The following CRY1 variants were observed in gnomAD, a reference collection of about 807,000 sequenced individuals.
The protein encoded by CRY1 is cryptochrome-1.
A neutral mutation model predicts 76.0 loss-of-function variants in CRY1; 45 were observed. The observed-to-expected ratio is 0.59, with a 90% CI of 0.47 to 0.76. CRY1 has a LOEUF of 0.76. Among genes scored for constraint, CRY1 ranks in the 30% least tolerant of loss-of-function variants. CRY1 has a pLI of 0.00. For missense variants in CRY1, 587 were observed against 716.4 expected (o/e 0.82, Z 2.06); for synonymous variants, 248 against 244.0 (o/e 1.02, Z -0.15).
At chr12:107,077,772 CCT>C (rs1414861119) in intron 1 of CRY1, among the ~76,000 whole-genome samples, 3 of 151,814 alleles carry the variant, frequency 2.0e-5, no homozygotes, top group African/African-American at 7.3e-5. Flanking sequence ...TAATTTCTTA[CCT>C]CTCTCATAAA....
At chr12:106,998,691 C>CACA (rs968068608) in intron 7 of CRY1, among the ~76,000 whole-genome samples, 3 of 151,042 alleles carry the variant, frequency 2.0e-5, no homozygotes, top group Admixed American at 6.6e-5. Flanking sequence ...CACACACACA[C>CACA]AAGCTCAGAA....
intron 1 of CRY1, among the ~76,000 whole-genome samples, chr12:107,031,795 A>G (rs1952678184): frequency 6.6e-6 from 1 of 152,218 alleles, no homozygotes; most frequent in African/African-American, 2.4e-5. Flanking sequence ...AGAAAGCCTA[A>G]GAAACTGTTA....
intron 1 of CRY1, among the ~76,000 whole-genome samples, chr12:107,068,357 C>A (rs1042815220): frequency 1.1e-4 from 17 of 152,052 alleles, no homozygotes; most frequent in African/African-American, 3.6e-4. Flanking sequence ...GAGTGCAGTG[C>A]CATGATCTTG....
At chr12:107,012,364 A>G (rs903198581) in intron 2 of CRY1, among the ~76,000 whole-genome samples, 5 of 152,236 alleles carry the variant, frequency 3.3e-5, no homozygotes, top group Non-Finnish European at 5.9e-5. Flanking sequence ...CTGCCTGTGC[A>G]GAACAGGAAC....
chr12:107,053,767 T>A (rs1039940812), intron 1 of CRY1, among the ~76,000 whole-genome samples: 2 of 152,076 alleles, frequency 1.3e-5, no homozygotes, highest in African/African-American at 4.8e-5. Context: ...ACAAAGAAAC[T>A]CAGACGGAGA....
At chr12:107,056,652 C>T (rs1467678507) in intron 1 of CRY1, among the ~76,000 whole-genome samples, 2 of 151,956 alleles carry the variant, frequency 1.3e-5, no homozygotes, top group African/African-American at 2.4e-5. Context: ...ACAATTCTTC[C>T]AATGTGGCCC....
At chr12:107,039,931 T>C (rs186879351) in intron 1 of CRY1, among the ~76,000 whole-genome samples, 7 of 152,144 alleles carry the variant, frequency 4.6e-5, no homozygotes, top group Admixed American at 4.6e-4. Flanking sequence ...ATTAAGAAAA[T>C]ATTATACATA....
chr12:107,030,230 T>C (rs190689566), intron 1 of CRY1, among the ~76,000 whole-genome samples: 2 of 152,350 alleles, frequency 1.3e-5, no homozygotes, highest in African/African-American at 2.4e-5. Context: ...ATTCTCTGAA[T>C]GTCTATTGTG....
intron 1 of CRY1, among the ~76,000 whole-genome samples, chr12:107,040,460 A>G (rs1207214171): frequency 6.6e-6 from 1 of 151,468 alleles, no homozygotes; most frequent in African/African-American, 2.4e-5. Flanking sequence ...TAATTTTTGT[A>G]TATTTAGTAG....
intron 1 of CRY1, among the ~76,000 whole-genome samples, chr12:107,058,777 G>A (rs911560355): frequency 6.6e-6 from 1 of 152,184 alleles, no homozygotes; most frequent in Non-Finnish European, 1.5e-5. Flanking sequence ...AGCCAATAAA[G>A]TATTGTTGAA....
rs145875187 is a variant in CRY1 at position 106,999,556 on chromosome 12, T to C, written c.1132A>G (p.Met378Val). 2.7e-5 allele frequency: 44 copies of C among 1,610,318 alleles called. No homozygotes were observed. The highest frequency in any genetic ancestry group is 3.6e-5 in the Non-Finnish European group (43 of 1,178,362). ...GDLWISWEEGMKVFEELLLDA... is the reference protein window; with the variant it reads ...GDLWISWEEGVKVFEELLLDA... ...ATATCAGTTAGAACACTTACCTTCATTCCTTCTTCCCAACTAATCCACAGG... is the reference window on the plus strand; with the variant it reads ...ATATCAGTTAGAACACTTACCTTCACTCCTTCTTCCCAACTAATCCACAGG... The change falls in exon 7 of 13, where the codon ATG becomes GTG. Residue 378 changes from methionine (M) to valine (V), a missense_variant. Coordinates refer to ENST00000008527, the MANE Select transcript of CRY1 (RefSeq NM_004075.5).
intron 1 of CRY1, among the ~76,000 whole-genome samples, chr12:107,089,586 G>C (rs2136904926): frequency 6.6e-6 from 1 of 152,156 alleles, no homozygotes; most frequent in Admixed American, 6.5e-5. Context: ...TGCTTATTAG[G>C]TAGAATACTA....
At chr12:107,014,757 A>C (rs1478889556) in intron 2 of CRY1, among the ~76,000 whole-genome samples, 1 of 152,214 alleles carries the variant, frequency 6.6e-6, no homozygotes, top group Non-Finnish European at 1.5e-5. Context: ...TGGTATCTGC[A>C]GGAAATTGGT....
chr12:107,036,267 T>C (rs1952732768), intron 1 of CRY1, among the ~76,000 whole-genome samples: 1 of 152,234 alleles, frequency 6.6e-6, no homozygotes, highest in Non-Finnish European at 1.5e-5. Flanking sequence ...TGGATATTGG[T>C]GAACACTACC....
At position 107,077,781 on chromosome 12, in the gene CRY1, T is replaced by TA. The variant is rs1335164189; in HGVS notation, c.158+15022dup. ...TTGAGCTAATTTCTTACCTCTCTCA[T>TA]AAAAAATCCCCCTCACATTCCAACC... is the stretch of plus-strand genomic sequence containing the variant. On this transcript the variant is annotated intron_variant, in intron 1 of 12. Coordinates refer to ENST00000008527, the MANE Select transcript of CRY1 (RefSeq NM_004075.5). 2.6e-5 allele frequency among the ~76,000 whole-genome samples: 4 copies of TA among 152,052 alleles called. No individual in the cohort carries two copies. The East Asian group carries it at 7.7e-4, about 29-fold the overall frequency.
intron 1 of CRY1, among the ~76,000 whole-genome samples, chr12:107,091,635 C>G (rs1048817456): frequency 1.3e-5 from 2 of 152,216 alleles, no homozygotes; most frequent in Admixed American, 1.3e-4. Flanking sequence ...TAAGTAAAAA[C>G]CCAAATCTTG....
intron 2 of CRY1, among the ~76,000 whole-genome samples, chr12:107,009,279 C>T (rs1009416653): frequency 6.6e-6 from 1 of 151,942 alleles, no homozygotes; most frequent in African/African-American, 2.4e-5. Context: ...CACGGTGGCT[C>T]ACACCAGTGA....
chr12:106,996,152 T>C (rs1566239475), intron 10 of CRY1, among the ~76,000 whole-genome samples: 2 of 152,144 alleles, frequency 1.3e-5, no homozygotes, highest in African/African-American at 2.4e-5. Context: ...GGCCCCAGTA[T>C]GTGTTGTTCT....
intron 1 of CRY1, among the ~76,000 whole-genome samples, chr12:107,056,569 T>G (rs1209578621): frequency 6.6e-6 from 1 of 150,622 alleles, no homozygotes; most frequent in Admixed American, 6.6e-5. Context: ...ATTATGAGAT[T>G]TAAGCACAGA....
Sources: gnomAD v4.1 joint callset for allele counts (sites outside exome capture counted in the v4.1 genomes callset) on GRCh38, gnomAD v4.1.1 for gene constraint, MANE v1.5 for transcripts, NCBI Gene and HGNC (gene_info 2026-07-23, HGNC 2026-07-21) for gene names.